Variants in NCAM2 observed in about 807,000 individuals in gnomAD.
NCAM2 encodes N-CAM-2.
NCAM2 carries 30 observed loss-of-function variants against 98.1 expected under a neutral mutation model. The observed-to-expected ratio is 0.31, with a 90% CI of 0.23 to 0.41. The LOEUF is 0.41. Among genes scored for constraint, NCAM2 ranks in the 10% least tolerant of loss-of-function variants. The pLI, the probability that NCAM2 is intolerant of heterozygous loss-of-function variation, is 1.00. For missense variants in NCAM2, 867 were observed against 1,005.8 expected, an observed-to-expected ratio of 0.86 and a Z score of 1.87; for synonymous variants, 368 against 342.4, an observed-to-expected ratio of 1.07 and a Z score of -0.83.
chr21:21,238,818 G>A (rs528899273), intron 1 of NCAM2, among the ~76,000 whole-genome samples: 4 of 152,178 alleles, frequency 2.6e-5, no homozygotes, highest in East Asian at 1.9e-4. Flanking sequence ...AGTTGTTTAC[G>A]TCAATTTCCT....
chr21:21,274,701 T>A (rs1456971126), intron 1 of NCAM2, among the ~76,000 whole-genome samples: 1 of 152,190 alleles, frequency 6.6e-6, no homozygotes, highest in East Asian at 1.9e-4. Flanking sequence ...CTTAGTCTTT[T>A]AACACTGTTA....
intron 14 of NCAM2, among the ~76,000 whole-genome samples, chr21:21,476,393 C>T (rs988206289): frequency 6.6e-6 from 1 of 151,884 alleles, no homozygotes; most frequent in Admixed American, 6.6e-5. Flanking sequence ...ACTCAATTTT[C>T]CTCATTGCTT....
intron 1 of NCAM2, among the ~76,000 whole-genome samples, chr21:21,221,153 C>T (rs1264397707): frequency 6.6e-6 from 1 of 152,100 alleles, no homozygotes; most frequent in Non-Finnish European, 1.5e-5. Flanking sequence ...ACGGTGAATC[C>T]TTCAGTAAAT....
intron 12 of NCAM2, among the ~76,000 whole-genome samples, chr21:21,453,523 G>A (rs187415251): frequency 1.7e-4 from 26 of 152,116 alleles, no homozygotes; most frequent in African/African-American, 5.3e-4. Context: ...TGAAAATCTC[G>A]TAAGTAATTC....
At chr21:21,113,842 A>T (rs1244577712) in intron 1 of NCAM2, among the ~76,000 whole-genome samples, 3 of 152,186 alleles carry the variant, frequency 2.0e-5, no homozygotes, top group African/African-American at 7.2e-5. Flanking sequence ...TGATAATTTA[A>T]TACCAATTCT....
At chr21:21,400,221 G>A (rs916642024) in intron 9 of NCAM2, among the ~76,000 whole-genome samples, 11 of 152,286 alleles carry the variant, frequency 7.2e-5, no homozygotes, top group African/African-American at 2.6e-4. Flanking sequence ...TGTGATGCTG[G>A]CAATGTAATG....
chr21:21,243,221 A>T (rs1364511713), intron 1 of NCAM2, among the ~76,000 whole-genome samples: 1 of 152,206 alleles, frequency 6.6e-6, no homozygotes, highest in Non-Finnish European at 1.5e-5. Flanking sequence ...CCAGAGGTTC[A>T]GTATTTCTAT....
chr21:21,415,596 A>G (rs1352031258), intron 10 of NCAM2, among the ~76,000 whole-genome samples: 1 of 152,014 alleles, frequency 6.6e-6, no homozygotes, highest in African/African-American at 2.4e-5. Context: ...CGGCCTCCCA[A>G]AGTGGTGGGA....
chr21:21,290,144 A>G (rs1444701569), intron 4 of NCAM2: 2 of 151,886 alleles, frequency 1.3e-5, no homozygotes, highest in African/African-American at 4.8e-5. Flanking sequence ...CCAGGTGATA[A>G]ATTTCAGGTG....
chr21:21,163,418 C>A (rs931710344), intron 1 of NCAM2, among the ~76,000 whole-genome samples: 3 of 152,090 alleles, frequency 2.0e-5, no homozygotes, highest in African/African-American at 7.2e-5. Flanking sequence ...CTCTGCTTTG[C>A]TAAATATGTT....
At chr21:21,104,353 C>CA (rs1256287234) in intron 1 of NCAM2, among the ~76,000 whole-genome samples, 1 of 152,040 alleles carries the variant, frequency 6.6e-6, no homozygotes, top group African/African-American at 2.4e-5. Flanking sequence ...AAAATAGGAA[C>CA]AAAGAAGTAT....
chr21:21,434,119 G>T (rs2146040630), intron 12 of NCAM2, among the ~76,000 whole-genome samples: 1 of 152,328 alleles, frequency 6.6e-6, no homozygotes, highest in Non-Finnish European at 1.5e-5. Flanking sequence ...CCATCTGTCA[G>T]AGGCAGATCA....
intron 1 of NCAM2, among the ~76,000 whole-genome samples, chr21:21,062,566 C>T (rs1276311771): frequency 2.0e-5 from 3 of 152,068 alleles, no homozygotes; most frequent in South Asian, 2.1e-4. Flanking sequence ...CTAACGCTAC[C>T]GATATCTTGA....
intron 1 of NCAM2, among the ~76,000 whole-genome samples, chr21:21,236,839 T>A (rs1327853086): frequency 6.6e-6 from 1 of 152,040 alleles, no homozygotes; most frequent in African/African-American, 2.4e-5. Context: ...ATGCTTTCCC[T>A]AATATCCACA....
intron 1 of NCAM2, among the ~76,000 whole-genome samples, chr21:21,223,052 A>G (rs1167283014): frequency 6.6e-6 from 1 of 152,184 alleles, no homozygotes; most frequent in Non-Finnish European, 1.5e-5. Context: ...TACTCTGTTG[A>G]TAACTTGTGT....
At chr21:21,485,767 T>C (rs1380293103) in intron 15 of NCAM2, among the ~76,000 whole-genome samples, 15 of 152,164 alleles carry the variant, frequency 9.9e-5, no homozygotes, top group African/African-American at 3.4e-4. Flanking sequence ...AATCAAATGA[T>C]TGGGTTCTGG....
rs541162477 is a variant in NCAM2 at position 21,116,179 on chromosome 21, G to A, written c.55+117561G>A. 4.1e-4 allele frequency among the ~76,000 whole-genome samples: 63 copies of A among 152,134 alleles called. 1 individual carries two copies. In the South Asian group the frequency reaches 7.7e-3, roughly 19 times the overall value. ...AGGATCCATTTATTATTTTTAAGAT[G>A]CTCCCAGCGGACATGTGCTTGACGA... On this transcript the variant is annotated intron_variant, in intron 1 of 17. Coordinates refer to ENST00000400546, the MANE Select transcript of NCAM2 (RefSeq NM_004540.5).
chr21:21,473,545 A>G (rs1284560651), intron 14 of NCAM2, among the ~76,000 whole-genome samples: 2 of 151,512 alleles, frequency 1.3e-5, no homozygotes, highest in East Asian at 1.9e-4. Context: ...ACTGCTTTAT[A>G]TACATACAAA....
chr21:21,238,113 G>A (rs991455332), intron 1 of NCAM2, among the ~76,000 whole-genome samples: 6 of 151,568 alleles, frequency 4.0e-5, no homozygotes, highest in African/African-American at 7.3e-5. Context: ...GTGCCACCAC[G>A]CCCGGCCAAT....
Sources: allele counts gnomAD v4.1 joint callset (sites outside exome capture counted in the v4.1 genomes callset), GRCh38; gene constraint gnomAD v4.1.1; transcripts MANE v1.5; gene names NCBI Gene and HGNC (gene_info 2026-07-23, HGNC 2026-07-21).